Variants in ATP6V1H observed in about 807,000 individuals in gnomAD.
ATP6V1H encodes ATPase H+ transporting V1 subunit H.
In ATP6V1H, 39 loss-of-function variants were observed where a neutral mutation model predicts 71.7. That is an observed-to-expected ratio of 0.54 (90% CI 0.42 to 0.71). ATP6V1H has a LOEUF of 0.71. ATP6V1H is among the 30% of genes least tolerant of loss of function. The pLI, the probability that ATP6V1H is intolerant of heterozygous loss-of-function variation, is 0.00. For missense variants in ATP6V1H, 509 were observed against 594.9 expected (o/e 0.86, Z 1.50); for synonymous variants, 192 against 199.3 (o/e 0.96, Z 0.31).
intron 7 of ATP6V1H, among the ~76,000 whole-genome samples, chr8:53,803,515 C>T (rs1281169658): frequency 3.3e-5 from 5 of 152,126 alleles, no homozygotes; most frequent in Admixed American, 2.0e-4. Context: ...AATTTAAATA[C>T]CGTTCATAAA....
chr8:53,737,634 T>C (rs1807266752), intron 13 of ATP6V1H, among the ~76,000 whole-genome samples: 1 of 152,240 alleles, frequency 6.6e-6, no homozygotes, highest in African/African-American at 2.4e-5. Context: ...TCTGGTCTTT[T>C]AGGAAAACCT....
intron 7 of ATP6V1H, among the ~76,000 whole-genome samples, chr8:53,806,290 T>G (rs1265744597): frequency 6.6e-6 from 1 of 152,022 alleles, no homozygotes; most frequent in Non-Finnish European, 1.5e-5. Flanking sequence ...TGAAATCAAT[T>G]TCTACAAAAC....
chr8:53,817,489 T>C lies in ATP6V1H; in HGVS notation c.348A>G (p.Arg116=), dbSNP rs1343027871. ...QRVSIFFDYA[R]CSKNTAWPYF... ...AGGGCCACGCAGTGTTCTTGCTACATCTTGCATAGTCAAAGAAAATGCTAA... is the reference window on the plus strand; with the variant it reads ...AGGGCCACGCAGTGTTCTTGCTACACCTTGCATAGTCAAAGAAAATGCTAA... Residue 116 remains arginine, a synonymous_variant, in exon 5 of 14, where the codon AGA becomes AGG. Transcript: ENST00000359530. 6.2e-7 allele frequency: 1 copy of C among 1,613,666 alleles called. No individual in the cohort carries two copies. Among genetic ancestry groups the C allele is most frequent in the Non-Finnish European group, 8.5e-7 (1 of 1,179,750 alleles).
chr8:53,820,921 C>T (rs757466319), intron 4 of ATP6V1H, among the ~76,000 whole-genome samples: 10 of 147,304 alleles, frequency 6.8e-5, no homozygotes, highest in Non-Finnish European at 1.2e-4. Context: ...GCAGAGGTTG[C>T]AGTGAGCCAA....
intron 12 of ATP6V1H, among the ~76,000 whole-genome samples, chr8:53,750,654 T>C (rs1311811673): frequency 6.6e-6 from 1 of 152,140 alleles, no homozygotes; most frequent in Non-Finnish European, 1.5e-5. Context: ...CAAAGGTTAC[T>C]GTTTGATGGA....
At chr8:53,811,703 A>G (rs1810280399) in intron 6 of ATP6V1H, among the ~76,000 whole-genome samples, 1 of 152,264 alleles carries the variant, frequency 6.6e-6, no homozygotes, top group South Asian at 2.1e-4. Context: ...AATGTCATAT[A>G]GAAATGACCA....
intron 13 of ATP6V1H, among the ~76,000 whole-genome samples, chr8:53,733,079 T>C (rs1463761411): frequency 6.6e-6 from 1 of 152,176 alleles, no homozygotes; most frequent in Non-Finnish European, 1.5e-5. Context: ...TCTCCTCAAC[T>C]GAAAGAATAC....
intron 12 of ATP6V1H, among the ~76,000 whole-genome samples, chr8:53,748,303 T>C (rs541561123): frequency 6.6e-6 from 1 of 152,232 alleles, no homozygotes; most frequent in African/African-American, 2.4e-5. Flanking sequence ...AAAGAGGTAA[T>C]GATAGTATTC....
chr8:53,732,543 G>A (rs2130133540), intron 13 of ATP6V1H, among the ~76,000 whole-genome samples: 1 of 152,068 alleles, frequency 6.6e-6, no homozygotes, highest in African/African-American at 2.4e-5. Context: ...TGTATTTCAG[G>A]TGGTGACAGG....
At chr8:53,752,516 T>TA (rs1333219447) in intron 12 of ATP6V1H, among the ~76,000 whole-genome samples, 1 of 152,240 alleles carries the variant, frequency 6.6e-6, no homozygotes, top group East Asian at 1.9e-4. Context: ...TCAGTAGCAA[T>TA]AAAGGGTAAG....
At chr8:53,791,367 TC>T (rs374108307) in intron 9 of ATP6V1H, among the ~76,000 whole-genome samples, 33 of 152,160 alleles carry the variant, frequency 2.2e-4, no homozygotes, top group African/African-American at 7.5e-4. Flanking sequence ...ACTGAAATAT[TC>T]ATGTTGGCCC....
chr8:53,839,569 C>A, intron 2 of ATP6V1H: 2 of 967,188 alleles, frequency 2.1e-6, no homozygotes, highest in South Asian at 4.8e-5. Context: ...TATTCCAATA[C>A]CTTGGTTACT....
At chr8:53,764,812 A>C (rs1055773822) in intron 11 of ATP6V1H, among the ~76,000 whole-genome samples, 1 of 152,182 alleles carries the variant, frequency 6.6e-6, no homozygotes, top group Non-Finnish European at 1.5e-5. Flanking sequence ...AAAACACAGC[A>C]CTAGGCCAAG....
intron 8 of ATP6V1H, among the ~76,000 whole-genome samples, chr8:53,797,992 G>A (rs1192376298): frequency 1.3e-4 from 20 of 152,062 alleles, no homozygotes. Context: ...AATTACTTTG[G>A]GCAGTAGAGG....
At chr8:53,755,714 A>T (rs1563451054) in intron 12 of ATP6V1H, among the ~76,000 whole-genome samples, 5 of 4,434 alleles carry the variant, frequency 1.1e-3, no homozygotes, top group African/African-American at 2.7e-3. Flanking sequence ...ATATATATAT[A>T]TATATATATA....
intron 11 of ATP6V1H, among the ~76,000 whole-genome samples, chr8:53,767,358 T>C (rs1808506377): frequency 6.6e-6 from 1 of 152,214 alleles, no homozygotes; most frequent in Non-Finnish European, 1.5e-5. Context: ...CTCTACTTTT[T>C]GCTCAATTTT....
chr8:53,725,548 T>C (rs1444032953), intron 13 of ATP6V1H, among the ~76,000 whole-genome samples: 3 of 147,920 alleles, frequency 2.0e-5, no homozygotes, highest in Non-Finnish European at 3.0e-5. Context: ...TAATCTGTCA[T>C]CTAGGATGCC....
chr8:53,742,049 C>A (rs1807431245), intron 13 of ATP6V1H, among the ~76,000 whole-genome samples: 1 of 152,142 alleles, frequency 6.6e-6, no homozygotes, highest in Admixed American at 6.6e-5. Flanking sequence ...TATTTAATAT[C>A]CTTGCAATGG....
At position 53,785,652 on chromosome 8, in the gene ATP6V1H, T is replaced by C. The variant is rs1258422521; in HGVS notation, c.870+9995A>G. ...TTTCTGGTTTTTCTGCTCTGTTTTT[T>C]CCCCATCTTTGTGGTTTTATCCACC... On this transcript the variant is annotated intron_variant, in intron 9 of 13. Transcript: ENST00000359530. Among the ~76,000 whole-genome samples the C allele has an allele frequency of 2.0e-5, 3 of 152,208 alleles. No homozygotes were observed. In the South Asian group the frequency reaches 6.2e-4, roughly 31 times the overall value.
Sources: gnomAD v4.1 joint callset for allele counts (sites outside exome capture counted in the v4.1 genomes callset) on GRCh38, gnomAD v4.1.1 for gene constraint, MANE v1.5 for transcripts, NCBI Gene and HGNC (gene_info 2026-07-23, HGNC 2026-07-21) for gene names.